The following BMPR1B variants were observed in gnomAD, a reference collection of about 807,000 sequenced individuals.
BMPR1B encodes the protein bone morphogenetic protein receptor type 1B.
A neutral mutation model predicts 59.1 loss-of-function variants in BMPR1B; 12 were observed. The observed-to-expected ratio is 0.20, with a 90% CI of 0.13 to 0.33. The LOEUF (loss-of-function observed/expected upper bound fraction) is 0.33, where lower values mean the gene tolerates loss of function less well. Ranked by LOEUF, BMPR1B falls within the 10% of genes least tolerant of loss-of-function variation. The pLI is 1.00. For missense variants in BMPR1B, 550 were observed against 610.9 expected (o/e 0.90, Z 1.05); for synonymous variants, 237 against 207.3 (o/e 1.14, Z -1.23).
chr4:94,963,822 T>C (rs1214470578), intron 2 of BMPR1B, among the ~76,000 whole-genome samples: 1 of 152,156 alleles, frequency 6.6e-6, no homozygotes, highest in African/African-American at 2.4e-5. Flanking sequence ...CTAGGTCTTT[T>C]GTGGTTCCAT....
chr4:94,957,044 C>T (rs1489783251), intron 2 of BMPR1B, among the ~76,000 whole-genome samples: 5 of 152,264 alleles, frequency 3.3e-5, no homozygotes, highest in African/African-American at 1.2e-4. Flanking sequence ...ATGACTGTTA[C>T]TGGTTTATTC....
intron 1 of BMPR1B, among the ~76,000 whole-genome samples, chr4:94,857,705 CATA>C (rs1394047014): frequency 6.6e-6 from 1 of 152,064 alleles, no homozygotes; most frequent in Non-Finnish European, 1.5e-5. Flanking sequence ...CTTGAAAAAG[CATA>C]ATAAGTGTTA....
Position 95,023,785 on chromosome 4 carries a change from A to G in BMPR1B, c.-18+27651A>G, listed in dbSNP as rs144907682. On this transcript the variant is annotated intron_variant, in intron 3 of 12. Coordinates refer to ENST00000515059, the MANE Select transcript of BMPR1B (RefSeq NM_001203.3). ...CCACAAATAAAACAACAGACCTCTC[A>G]TACCAAATGTATGTTAATATATGCA... 4.4e-3 allele frequency among the ~76,000 whole-genome samples: 665 copies of G among 152,324 alleles called. 5 individuals are homozygous for G. Among genetic ancestry groups the G allele is most frequent in the African/African-American group, 0.014 (597 of 41,584 alleles).
chr4:95,115,242 A>G (rs1026514564), intron 5 of BMPR1B, among the ~76,000 whole-genome samples: 1 of 152,190 alleles, frequency 6.6e-6, no homozygotes, highest in Non-Finnish European at 1.5e-5. Context: ...ATTTCTCACA[A>G]CATATCCCTG....
At position 95,136,362 on chromosome 4, in the gene BMPR1B, TA is replaced by T. The variant is rs1733785982; in HGVS notation, c.1076+4854del. On this transcript the variant is annotated intron_variant, in intron 10 of 12. Transcript: ENST00000515059. Reference sequence around the variant, plus strand: ...CGATGTTCATCAGGGATATTGGGTCTAAAATTCTCTTTTTTTGTTGTGTCTC... The same window carrying T: ...CGATGTTCATCAGGGATATTGGGTCTAAATTCTCTTTTTTTGTTGTGTCTC... 2.6e-5 allele frequency among the ~76,000 whole-genome samples: 4 copies of T among 152,328 alleles called. No individual in the cohort carries two copies. In the South Asian group the frequency reaches 8.3e-4, roughly 32 times the overall value.
intron 1 of BMPR1B, among the ~76,000 whole-genome samples, chr4:94,760,319 C>T: frequency 6.6e-6 from 1 of 152,084 alleles, no homozygotes; most frequent in East Asian, 1.9e-4. Flanking sequence ...GTATGTTTCT[C>T]TAAATGTTCC....
chr4:94,984,502 A>G lies in BMPR1B; in HGVS notation c.-112-11538A>G, dbSNP rs149122132. On this transcript the variant is annotated intron_variant, in intron 2 of 12. Transcript: ENST00000515059. ...TTTGTCATAATTTTAGCACTTAAAT[A>G]CTACTTAGGATTGCCCCTTCAGATT... Among the ~76,000 whole-genome samples the G allele has an allele frequency of 1.3e-3, 191 of 152,302 alleles. 4 individuals are homozygous for G. Among genetic ancestry groups the G allele is most frequent in the African/African-American group, 4.4e-3 (185 of 41,574 alleles).
chr4:94,785,162 T>G (rs1722719238), intron 1 of BMPR1B, among the ~76,000 whole-genome samples: 1 of 152,218 alleles, frequency 6.6e-6, no homozygotes, highest in Non-Finnish European at 1.5e-5. Flanking sequence ...AGTTTGTTAA[T>G]GTACCACCTT....
At chr4:94,984,959 T>C (rs1721309677) in intron 2 of BMPR1B, among the ~76,000 whole-genome samples, 1 of 152,226 alleles carries the variant, frequency 6.6e-6, no homozygotes, top group Admixed American at 6.5e-5. Context: ...CTGTTCTGGC[T>C]TAAATGTTAC....
intron 2 of BMPR1B, among the ~76,000 whole-genome samples, chr4:94,900,258 G>A (rs1727758715): frequency 6.7e-6 from 1 of 149,414 alleles, no homozygotes; most frequent in Non-Finnish European, 1.5e-5. Flanking sequence ...TGTATAACTT[G>A]AACCTAAGAT....
intron 1 of BMPR1B, among the ~76,000 whole-genome samples, chr4:94,831,494 A>G (rs1402069662): frequency 6.6e-6 from 1 of 152,140 alleles, no homozygotes; most frequent in Non-Finnish European, 1.5e-5. Context: ...ATGTCGTAGG[A>G]TTCCTCATTC....
chr4:94,942,690 C>T (rs1238233416), intron 2 of BMPR1B, among the ~76,000 whole-genome samples: 3 of 152,212 alleles, frequency 2.0e-5, no homozygotes, highest in Admixed American at 6.5e-5. Flanking sequence ...TTAACTATTG[C>T]TGTCACTTTA....
chr4:94,922,035 A>G (rs1728708882), intron 2 of BMPR1B, among the ~76,000 whole-genome samples: 1 of 152,058 alleles, frequency 6.6e-6, no homozygotes, highest in African/African-American at 2.4e-5. Context: ...GCTGGAGTGC[A>G]GCAACACAAT....
At chr4:94,825,511 AAAAACAAAAC>A (rs542225938) in intron 1 of BMPR1B, among the ~76,000 whole-genome samples, 1 of 152,160 alleles carries the variant, frequency 6.6e-6, no homozygotes, top group Non-Finnish European at 1.5e-5. Flanking sequence ...TCTCAAAAGT[AAAAACAAAAC>A]AAAACAAAAC....
intron 2 of BMPR1B, among the ~76,000 whole-genome samples, chr4:94,878,304 G>A (rs1003750811): frequency 6.6e-6 from 1 of 152,144 alleles, no homozygotes; most frequent in African/African-American, 2.4e-5. Flanking sequence ...TTAGTTTAAA[G>A]ATACTAGGTT....
intron 3 of BMPR1B, among the ~76,000 whole-genome samples, chr4:95,069,159 C>CTCTCA (rs1728082844): frequency 1.3e-5 from 2 of 152,320 alleles, no homozygotes; most frequent in African/African-American, 4.8e-5. Flanking sequence ...TATCTTGAAT[C>CTCTCA]TGACCACTTC....
At chr4:95,081,211 A>G (rs936609512) in intron 3 of BMPR1B, among the ~76,000 whole-genome samples, 3 of 152,176 alleles carry the variant, frequency 2.0e-5, no homozygotes, top group Non-Finnish European at 4.4e-5. Flanking sequence ...AGGCCTCCTC[A>G]GCCATGCTCA....
intron 1 of BMPR1B, among the ~76,000 whole-genome samples, chr4:94,853,923 G>A (rs1235709455): frequency 2.6e-5 from 4 of 152,184 alleles, no homozygotes; most frequent in African/African-American, 9.6e-5. Context: ...GCTTAGAAAT[G>A]TTGATCAGAA....
chr4:94,771,504 A>C (rs924943594), intron 1 of BMPR1B, among the ~76,000 whole-genome samples: 1 of 152,212 alleles, frequency 6.6e-6, no homozygotes, highest in Non-Finnish European at 1.5e-5. Flanking sequence ...AGCACAGAGA[A>C]AGGTTGATAA....
Sources: allele counts gnomAD v4.1 joint callset (sites outside exome capture counted in the v4.1 genomes callset), GRCh38; gene constraint gnomAD v4.1.1; transcripts MANE v1.5; gene names NCBI Gene and HGNC (gene_info 2026-07-23, HGNC 2026-07-21).